Variants in C9orf85 observed in about 807,000 individuals in gnomAD.
The protein encoded by C9orf85 is uncharacterized protein C9orf85.
A neutral mutation model predicts 14.9 loss-of-function variants in C9orf85; 16 were observed. The ratio of observed to expected loss-of-function variants is 1.08; its 90% CI spans 0.73 to 1.63. C9orf85 has a LOEUF of 1.63. Ranked by LOEUF, C9orf85 falls within the 40% of genes most tolerant of loss-of-function variation. The pLI is 0.00. For synonymous variants in C9orf85, 45 were observed against 56.8 expected (o/e 0.79, Z 0.93); for missense variants, 172 against 186.1 (o/e 0.92, Z 0.44).
At chr9:71,929,555 T>C (rs558919133) in intron 1 of C9orf85, among the ~76,000 whole-genome samples, 19 of 152,172 alleles carry the variant, frequency 1.2e-4, no homozygotes, top group Admixed American at 1.1e-3. Flanking sequence ...CATAGAAAAC[T>C]ATATCCTCCT....
At chr9:71,946,720 G>A (rs1317015944) in intron 1 of C9orf85, among the ~76,000 whole-genome samples, 1 of 151,930 alleles carries the variant, frequency 6.6e-6, no homozygotes, top group Admixed American at 6.6e-5. Flanking sequence ...TTGAGCCCCA[G>A]GAGGTGGAGG....
intron 2 of C9orf85, among the ~76,000 whole-genome samples, chr9:71,952,427 C>G (rs1271550795): frequency 6.6e-6 from 1 of 152,124 alleles, no homozygotes. Context: ...TGCAGTGGCA[C>G]GATGTCAGCT....
rs539539060 is a variant in C9orf85 at position 71,948,510 on chromosome 9, T to TTTTA, written c.209+1415_209+1418dup. Among the ~76,000 whole-genome samples, 437 of 152,036 alleles carry TTTTA rather than the reference T, an allele frequency of 2.9e-3. 1 individual carries two copies. Among genetic ancestry groups the TTTTA allele is most frequent in the South Asian group, 0.01 (50 of 4,816 alleles). ...TATAGTTGACCCCCCTTTTGTTTTA[T>TTTTA]TTTATTTATTTATTTATTTAATTTA... On this transcript the variant is annotated intron_variant, in intron 2 of 3. Coordinates refer to ENST00000334731, the MANE Select transcript of C9orf85 (RefSeq NM_182505.5).
intron 2 of C9orf85, 63 bp from the exon 3 acceptor site, chr9:71,971,442 C>T (rs1589274228): frequency 9.7e-7 from 1 of 1,027,432 alleles, no homozygotes; most frequent in South Asian, 1.6e-5. Context: ...TTAGACACAT[C>T]TTATTTTATC....
chr9:71,941,396 G>A (rs754200785), intron 1 of C9orf85, among the ~76,000 whole-genome samples: 2 of 152,196 alleles, frequency 1.3e-5, no homozygotes, highest in Non-Finnish European at 2.9e-5. Context: ...GACAGTATGT[G>A]CCTCCTGACT....
chr9:71,978,644 G>A (rs1216571721), intron 3 of C9orf85, among the ~76,000 whole-genome samples: 2 of 152,172 alleles, frequency 1.3e-5, no homozygotes, highest in Admixed American at 1.3e-4. Flanking sequence ...GACTGGGAAT[G>A]TGTATAAGAG....
At position 71,969,371 on chromosome 9, in the gene C9orf85, G is replaced by A. The variant is rs1822795781; in HGVS notation, c.210-2134G>A. The stretch of plus-strand genomic sequence containing the variant: ...TGGCTGGGCTGGTCTCAATCTCCTG[G>A]CCTCAAGTGATCCACCTGCCTCAGC... On this transcript the variant is annotated intron_variant, in intron 2 of 3. Transcript: ENST00000334731. 2.0e-5 allele frequency among the ~76,000 whole-genome samples: 3 copies of A among 151,970 alleles called. No homozygotes were observed. The South Asian group carries it at 6.2e-4, about 32-fold the overall frequency.
At chr9:71,967,728 T>G (rs1293191756) in intron 2 of C9orf85, among the ~76,000 whole-genome samples, 4 of 139,910 alleles carry the variant, frequency 2.9e-5, no homozygotes, top group African/African-American at 1.0e-4. Flanking sequence ...TTTTTTTTTT[T>G]TTTTTTTGGC....
chr9:71,915,189 T>C (rs867141006), intron 1 of C9orf85, among the ~76,000 whole-genome samples: 2 of 146,868 alleles, frequency 1.4e-5, no homozygotes. Context: ...TATTATTTTT[T>C]TTTTTTTTTT....
At chr9:71,931,910 G>T (rs138263637) in intron 1 of C9orf85, among the ~76,000 whole-genome samples, 1 of 152,118 alleles carries the variant, frequency 6.6e-6, no homozygotes, top group Non-Finnish European at 1.5e-5. Flanking sequence ...TAGAAATGTC[G>T]GTTTGCTTTA....
chr9:71,980,129 T>C (rs1392333556), intron 3 of C9orf85, among the ~76,000 whole-genome samples: 1 of 151,686 alleles, frequency 6.6e-6, no homozygotes, highest in Non-Finnish European at 1.5e-5. Flanking sequence ...TTCTCCTGCC[T>C]CAGCCTTCAG....
chr9:71,955,293 T>C (rs1389847251), intron 2 of C9orf85, among the ~76,000 whole-genome samples: 1 of 152,158 alleles, frequency 6.6e-6, no homozygotes, highest in Non-Finnish European at 1.5e-5. Context: ...ACAATTTTGA[T>C]AGGTTATGTT....
intron 2 of C9orf85, among the ~76,000 whole-genome samples, chr9:71,948,465 A>T (rs1822156633): frequency 6.6e-6 from 1 of 152,056 alleles, no homozygotes; most frequent in Non-Finnish European, 1.5e-5. Context: ...GTTTTGGAGC[A>T]GTCTAGTATT....
intron 1 of C9orf85, among the ~76,000 whole-genome samples, chr9:71,925,856 A>G (rs989538787): frequency 6.6e-6 from 1 of 152,264 alleles, no homozygotes; most frequent in Non-Finnish European, 1.5e-5. Flanking sequence ...GATTAGATTT[A>G]TACAACTAAA....
At chr9:71,917,505 A>C (rs1379933163) in intron 1 of C9orf85, among the ~76,000 whole-genome samples, 1 of 152,244 alleles carries the variant, frequency 6.6e-6, no homozygotes, top group Non-Finnish European at 1.5e-5. Context: ...TTCTGTGTTT[A>C]CACACACCTT....
At chr9:71,945,812 CA>C (rs1194443692) in intron 1 of C9orf85, among the ~76,000 whole-genome samples, 1 of 152,048 alleles carries the variant, frequency 6.6e-6, no homozygotes, top group Non-Finnish European at 1.5e-5. Flanking sequence ...TAAAAGAAAA[CA>C]AAAGAAGCAA....
At chr9:71,975,459 G>C (rs1226318061), downstream of C9orf85, among the ~76,000 whole-genome samples, 2 of 145,768 alleles carry the variant, frequency 1.4e-5, no homozygotes, top group Admixed American at 1.4e-4. Flanking sequence ...AAAAAAAAAC[G>C]TGGAGACAAA....
At chr9:71,913,099 G>A (rs1827556979) in intron 1 of C9orf85, among the ~76,000 whole-genome samples, 1 of 152,030 alleles carries the variant, frequency 6.6e-6, no homozygotes. Flanking sequence ...CCTTACTTTG[G>A]TCTCAAATGC....
At chr9:71,938,309 A>G (rs1181450930) in intron 1 of C9orf85, among the ~76,000 whole-genome samples, 1 of 152,092 alleles carries the variant, frequency 6.6e-6, no homozygotes, top group Non-Finnish European at 1.5e-5. Context: ...CTTAACTGCC[A>G]GGATAAAAAA....
Sources: gnomAD v4.1 joint callset for allele counts (sites outside exome capture counted in the v4.1 genomes callset) on GRCh38, gnomAD v4.1.1 for gene constraint, MANE v1.5 for transcripts, NCBI Gene and HGNC (gene_info 2026-07-23, HGNC 2026-07-21) for gene names.